The following SEMA6D variants were observed in gnomAD, a reference collection of about 807,000 sequenced individuals.
SEMA6D encodes the protein semaphorin 6D, also known as semaphorin-6D.
In SEMA6D, 35 loss-of-function variants were observed where a neutral mutation model predicts 106.6. The observed-to-expected ratio is 0.33, with a 90% CI of 0.25 to 0.44. SEMA6D has a LOEUF of 0.44. Ranked by LOEUF, SEMA6D falls within the 20% of genes least tolerant of loss-of-function variation. SEMA6D has a pLI of 1.00. For missense variants in SEMA6D, 1,185 were observed against 1,345.9 expected, an observed-to-expected ratio of 0.88 and a Z score of 1.87; for synonymous variants, 499 against 487.7, an observed-to-expected ratio of 1.02 and a Z score of -0.31.
intron 1 of SEMA6D, among the ~76,000 whole-genome samples, chr15:47,744,995 C>G (rs1219702808): frequency 1.3e-5 from 2 of 152,186 alleles, no homozygotes; most frequent in Non-Finnish European, 2.9e-5. Flanking sequence ...CTGTCAGATC[C>G]TTAGAGGCTG....
intron 3 of SEMA6D, among the ~76,000 whole-genome samples, chr15:47,574,496 G>A (rs1022716040): frequency 1.3e-5 from 2 of 151,860 alleles, no homozygotes; most frequent in Non-Finnish European, 2.9e-5. Context: ...ACCCCAAAAG[G>A]GAAGCAAATT....
At chr15:47,227,228 A>G (rs992113865) in intron 1 of SEMA6D, among the ~76,000 whole-genome samples, 6 of 152,196 alleles carry the variant, frequency 3.9e-5, no homozygotes, top group African/African-American at 1.4e-4. Flanking sequence ...ATATAAAATA[A>G]TACAGCTTAG....
chr15:47,718,511 C>G (rs937261011), intron 1 of SEMA6D: 1 of 148,854 alleles, frequency 6.7e-6, no homozygotes. Flanking sequence ...CACCGTCCCT[C>G]TCCCCTTACT....
intron 1 of SEMA6D, among the ~76,000 whole-genome samples, chr15:47,244,136 G>A (rs2033075364): frequency 6.6e-6 from 1 of 152,040 alleles, no homozygotes; most frequent in South Asian, 2.1e-4. Flanking sequence ...AATGAACCTT[G>A]GAGGCACTTA....
At chr15:47,285,119 TG>T (rs1486204610) in intron 1 of SEMA6D, among the ~76,000 whole-genome samples, 1 of 152,216 alleles carries the variant, frequency 6.6e-6, no homozygotes, top group East Asian at 1.9e-4. Flanking sequence ...CTCACAAGGC[TG>T]GCTCACCATT....
chr15:47,764,970 G>A lies in SEMA6D; in HGVS notation c.1341G>A (p.Met447Ile). The change falls in exon 13 of 19, where the codon ATG (methionine) becomes ATA (isoleucine). Residue 447 changes from methionine to isoleucine, a missense_variant. Around this residue, in one of 3 missense-constraint regions of SEMA6D, gnomAD observed 750 missense variants for 783.5 expected, o/e 0.96. Transcript: ENST00000536845. Reference protein sequence around the residue: ...TVIFVGSEAGMVLKVLAKTSP... With the variant: ...TVIFVGSEAGIVLKVLAKTSP... Reference sequence around the variant, plus strand: ...TCTTTGTTGGCTCTGAAGCTGGCATGGTACTTAAAGTTCTGGCAAAGACCA... The same window carrying A: ...TCTTTGTTGGCTCTGAAGCTGGCATAGTACTTAAAGTTCTGGCAAAGACCA... 2 of 1,613,920 alleles carry A rather than the reference G, an allele frequency of 1.2e-6. No individual in the cohort carries two copies. Among genetic ancestry groups the A allele is most frequent in the Non-Finnish European group, 1.7e-6 (2 of 1,179,876 alleles).
chr15:47,195,945 C>T (rs56677075), intron 1 of SEMA6D, among the ~76,000 whole-genome samples: 17,633 of 152,016 alleles, frequency 0.12, 2,676 homozygotes, highest in African/African-American at 0.33. Context: ...AAGCAAGGCC[C>T]CCCAGGCCAC....
At chr15:47,216,087 C>G (rs149319247) in intron 1 of SEMA6D, among the ~76,000 whole-genome samples, 1 of 152,068 alleles carries the variant, frequency 6.6e-6, no homozygotes, top group Admixed American at 6.6e-5. Context: ...TTTGAAGAGG[C>G]AACTGATACT....
At chr15:47,518,348 A>G (rs1438503497) in intron 3 of SEMA6D, among the ~76,000 whole-genome samples, 2 of 152,228 alleles carry the variant, frequency 1.3e-5, no homozygotes, top group Admixed American at 6.5e-5. Context: ...CTAAAGGATC[A>G]TGAGGGTGGG....
intron 1 of SEMA6D, among the ~76,000 whole-genome samples, chr15:47,246,762 A>T (rs529225791): frequency 1.7e-4 from 26 of 152,278 alleles, no homozygotes; most frequent in African/African-American, 6.0e-4. Flanking sequence ...CCTTAACTCT[A>T]ATCACATCTG....
chr15:47,768,331 G>A (rs527276248), intron 17 of SEMA6D, among the ~76,000 whole-genome samples: 20 of 152,248 alleles, frequency 1.3e-4, no homozygotes, highest in Non-Finnish European at 2.5e-4. Flanking sequence ...AACCACAGGG[G>A]CTTTCCTAAG....
At chr15:47,224,672 AT>A (rs1566936070) in intron 1 of SEMA6D, among the ~76,000 whole-genome samples, 1 of 152,084 alleles carries the variant, frequency 6.6e-6, no homozygotes, top group Admixed American at 6.6e-5. Context: ...CTCAATAAAT[AT>A]TTGTTGAATA....
intron 1 of SEMA6D, among the ~76,000 whole-genome samples, chr15:47,723,493 C>T (rs1009379547): frequency 6.6e-6 from 1 of 152,148 alleles, no homozygotes; most frequent in Non-Finnish European, 1.5e-5. Context: ...AATTTATGGG[C>T]CCCATCAGCA....
intron 3 of SEMA6D, among the ~76,000 whole-genome samples, chr15:47,574,386 C>T (rs997899659): frequency 6.6e-6 from 1 of 152,144 alleles, no homozygotes; most frequent in Non-Finnish European, 1.5e-5. Flanking sequence ...CATCAGTATC[C>T]CAGGTCCTGA....
intron 1 of SEMA6D, among the ~76,000 whole-genome samples, chr15:47,298,916 A>G (rs2035911099): frequency 6.6e-6 from 1 of 152,116 alleles, no homozygotes; most frequent in Non-Finnish European, 1.5e-5. Context: ...CTTTACCTAA[A>G]TTGTCTCATT....
At chr15:47,720,417 T>C (rs2079358708) in intron 1 of SEMA6D, among the ~76,000 whole-genome samples, 1 of 152,172 alleles carries the variant, frequency 6.6e-6, no homozygotes, top group Non-Finnish European at 1.5e-5. Context: ...TCTTTTTTTC[T>C]TTTGGTGCCC....
At chr15:47,681,037 A>C (rs1418932538) in intron 4 of SEMA6D, among the ~76,000 whole-genome samples, 1 of 152,240 alleles carries the variant, frequency 6.6e-6, no homozygotes, top group Non-Finnish European at 1.5e-5. Flanking sequence ...ATTCCTCAAC[A>C]AACTAAAACT....
At position 47,255,608 on chromosome 15, in the gene SEMA6D, ATTATT is replaced by A. The variant is rs563466265; in HGVS notation, c.-239+71193_-239+71197del. On this transcript the variant is annotated intron_variant, in intron 1 of 19. Coordinates refer to the SEMA6D transcript ENST00000558014. ...TTAGTCATCATATATGTGTGTTGTA[ATTATT>A]TTCTTCCAGTCTGTAGTTTGTCTTT... 2.1e-3 allele frequency among the ~76,000 whole-genome samples: 323 copies of A among 152,056 alleles called. 4 individuals carry two copies. Among genetic ancestry groups the A allele is most frequent in the Non-Finnish European group, 3.6e-3 (242 of 67,940 alleles).
rs367727576 is a variant in SEMA6D at position 47,764,282 on chromosome 15, C to A, written c.1074C>A (p.Pro358=). 1 of 1,613,298 alleles carries A rather than the reference C, an allele frequency of 6.2e-7. No individual in the cohort carries two copies. Among genetic ancestry groups the A allele is most frequent in the South Asian group, 1.1e-5 (1 of 90,982 alleles). The change falls in exon 11 of 19, where the codon CCC becomes CCA. Residue 358 remains proline, a synonymous_variant. Coordinates refer to ENST00000536845, the MANE Select transcript of SEMA6D (RefSeq NM_001358351.3). ...CAGATTCTGTTTGGACAGCAGTTCC[C>A]GAAGACAAAGTGCCAAAGCCAAGGT... ...KTPDSVWTAV[P]EDKVPKPRPG... is the part of the protein sequence containing the mutation.
Sources: allele counts gnomAD v4.1 joint callset (sites outside exome capture counted in the v4.1 genomes callset), GRCh38; gene constraint gnomAD v4.1.1; regional missense constraint gnomAD v4.1.1; transcripts MANE v1.5; gene names NCBI Gene and HGNC (gene_info 2026-07-23, HGNC 2026-07-21).